The following ARHGAP15 variants were observed in gnomAD, a reference collection of about 807,000 sequenced individuals.
The protein encoded by ARHGAP15 is rho GTPase-activating protein 15.
A neutral mutation model predicts 63.7 loss-of-function variants in ARHGAP15; 51 were observed. The observed-to-expected ratio is 0.80, with a 90% CI of 0.64 to 1.01. ARHGAP15 has a LOEUF of 1.01. Ranked by LOEUF, ARHGAP15 falls within the 50% of genes least tolerant of loss-of-function variation. The pLI is 0.00. For synonymous variants in ARHGAP15, 191 were observed against 193.8 expected, an observed-to-expected ratio of 0.99 and a Z score of 0.12; for missense variants, 560 against 564.6, an observed-to-expected ratio of 0.99 and a Z score of 0.08.
intron 6 of ARHGAP15, among the ~76,000 whole-genome samples, chr2:143,271,333 A>G (rs1681268855): frequency 6.6e-6 from 1 of 152,192 alleles, no homozygotes; most frequent in Admixed American, 6.5e-5. Flanking sequence ...ACATTCCTAA[A>G]GTTTCTATTT....
intron 2 of ARHGAP15, chr2:143,172,146 C>T (rs887001144): frequency 6.6e-6 from 1 of 152,156 alleles, no homozygotes. Flanking sequence ...GCAATCTCTA[C>T]TTACATCTCG....
chr2:143,489,430 C>T (rs1692476528), intron 9 of ARHGAP15, among the ~76,000 whole-genome samples: 1 of 152,156 alleles, frequency 6.6e-6, no homozygotes, highest in African/African-American at 2.4e-5. Context: ...CCATTGTTGT[C>T]TTCAGTAGAA....
At chr2:143,317,691 T>C (rs562550134) in intron 6 of ARHGAP15, among the ~76,000 whole-genome samples, 1 of 152,308 alleles carries the variant, frequency 6.6e-6, no homozygotes, top group Admixed American at 6.5e-5. Flanking sequence ...ATTCTGTAGA[T>C]AATATTTTCG....
chr2:143,621,965 G>A (rs557118706), intron 11 of ARHGAP15, among the ~76,000 whole-genome samples: 2 of 152,148 alleles, frequency 1.3e-5, no homozygotes, highest in African/African-American at 2.4e-5. Context: ...GGCATTTTGT[G>A]TTGGACTTTT....
At chr2:143,550,828 C>G (rs909205538) in intron 10 of ARHGAP15, among the ~76,000 whole-genome samples, 1 of 151,926 alleles carries the variant, frequency 6.6e-6, no homozygotes, top group Non-Finnish European at 1.5e-5. Flanking sequence ...AGATAAGTCT[C>G]AAAATAGTTA....
chr2:143,595,138 T>C (rs1355251217), intron 11 of ARHGAP15, among the ~76,000 whole-genome samples: 1 of 152,166 alleles, frequency 6.6e-6, no homozygotes, highest in Non-Finnish European at 1.5e-5. Context: ...AAAAGCTAAA[T>C]TGGTAAATAC....
intron 6 of ARHGAP15, among the ~76,000 whole-genome samples, chr2:143,411,754 A>C (rs1688454544): frequency 6.6e-6 from 1 of 152,262 alleles, no homozygotes; most frequent in Non-Finnish European, 1.5e-5. Context: ...GGAAAAAGTC[A>C]ATAAATCAAA....
chr2:143,459,320 G>A (rs953038691), intron 8 of ARHGAP15, among the ~76,000 whole-genome samples: 1 of 150,898 alleles, frequency 6.6e-6, no homozygotes, highest in Non-Finnish European at 1.5e-5. Flanking sequence ...CCAAAATGGT[G>A]CATCTGGTTA....
At chr2:143,752,712 G>A (rs1686427464) in intron 13 of ARHGAP15, among the ~76,000 whole-genome samples, 1 of 152,184 alleles carries the variant, frequency 6.6e-6, no homozygotes, top group Admixed American at 6.5e-5. Flanking sequence ...AACAGGATTG[G>A]GCAGAGGAAT....
chr2:143,487,274 T>A, intron 8 of ARHGAP15, 99 bp from the exon 9 acceptor site: 1 of 1,348,230 alleles, frequency 7.4e-7, no homozygotes, highest in South Asian at 1.5e-5. Context: ...TTAATTCAGG[T>A]AGTTGTTTCA....
chr2:143,574,107 G>A (rs1031412725), intron 11 of ARHGAP15, among the ~76,000 whole-genome samples: 2 of 152,128 alleles, frequency 1.3e-5, no homozygotes, highest in African/African-American at 2.4e-5. Flanking sequence ...TATTAAAGGA[G>A]ACAAGAGAAG....
At chr2:143,717,188 C>T (rs1684845260) in intron 13 of ARHGAP15, among the ~76,000 whole-genome samples, 1 of 152,164 alleles carries the variant, frequency 6.6e-6, no homozygotes, top group African/African-American at 2.4e-5. Flanking sequence ...CCCAGATGCC[C>T]AACCACGGAA....
chr2:143,647,233 G>C (rs1680924300), intron 12 of ARHGAP15, among the ~76,000 whole-genome samples: 1 of 151,828 alleles, frequency 6.6e-6, no homozygotes, highest in South Asian at 2.1e-4. Flanking sequence ...AAGTATGTGT[G>C]TGAGATTTAT....
At chr2:143,403,457 A>T (rs1262877068) in intron 6 of ARHGAP15, among the ~76,000 whole-genome samples, 1 of 151,878 alleles carries the variant, frequency 6.6e-6, no homozygotes, top group Non-Finnish European at 1.5e-5. Flanking sequence ...TCAGAGATAG[A>T]TTAAGTATTG....
At chr2:143,395,942 A>G (rs1035799815) in intron 6 of ARHGAP15, among the ~76,000 whole-genome samples, 2 of 151,928 alleles carry the variant, frequency 1.3e-5, no homozygotes, top group African/African-American at 4.8e-5. Flanking sequence ...TGTGCAGGGT[A>G]CAGAAGTCAG....
intron 8 of ARHGAP15, among the ~76,000 whole-genome samples, chr2:143,454,826 T>C (rs1355793260): frequency 2.6e-5 from 4 of 152,030 alleles, no homozygotes; most frequent in Non-Finnish European, 5.9e-5. Context: ...CAAACAAAGA[T>C]GACGTAAACT....
At chr2:143,743,873 C>T (rs1382863488) in intron 13 of ARHGAP15, among the ~76,000 whole-genome samples, 1 of 151,646 alleles carries the variant, frequency 6.6e-6, no homozygotes, top group Non-Finnish European at 1.5e-5. Flanking sequence ...GTTCTCTCTG[C>T]CTTCCAGAAG....
At chr2:143,330,492 C>G (rs1179813766) in intron 6 of ARHGAP15, among the ~76,000 whole-genome samples, 1 of 152,100 alleles carries the variant, frequency 6.6e-6, no homozygotes, top group East Asian at 1.9e-4. Context: ...TGTATGATTC[C>G]TAAGTCCCTG....
At chr2:143,189,513 T>A (rs1473109571) in intron 2 of ARHGAP15, among the ~76,000 whole-genome samples, 1 of 145,016 alleles carries the variant, frequency 6.9e-6, no homozygotes, top group Admixed American at 6.9e-5. Flanking sequence ...TTTTTTTTTT[T>A]TTTGGGAGAC....
Sources: allele counts gnomAD v4.1 joint callset (sites outside exome capture counted in the v4.1 genomes callset), GRCh38; gene constraint gnomAD v4.1.1; transcripts MANE v1.5; gene names NCBI Gene and HGNC (gene_info 2026-07-23, HGNC 2026-07-21).